PCDH9: variants seen among roughly 807,000 people sequenced by gnomAD.
PCDH9 encodes the protein protocadherin-9.
PCDH9 carries 24 observed loss-of-function variants against 70.6 expected under a neutral mutation model. The ratio of observed to expected loss-of-function variants is 0.34; its 90% CI spans 0.25 to 0.48. The LOEUF is 0.48. Ranked by LOEUF, PCDH9 falls within the 20% of genes least tolerant of loss-of-function variation. The probability of loss-of-function intolerance (pLI) is 0.99; values close to 1 mark genes in which losing one functional copy is unlikely to be tolerated. For synonymous variants in PCDH9, 562 were observed against 558.5 expected, an observed-to-expected ratio of 1.01 and a Z score of -0.09; for missense variants, 1,281 against 1,503.6, an observed-to-expected ratio of 0.85 and a Z score of 2.45.
At chr13:66,766,310 A>C (rs2079717235) in intron 3 of PCDH9, among the ~76,000 whole-genome samples, 1 of 151,988 alleles carries the variant, frequency 6.6e-6, no homozygotes, top group Non-Finnish European at 1.5e-5. Flanking sequence ...GGTGCTGCCA[A>C]GGTAGAAGAG....
chr13:66,797,369 A>G lies in PCDH9; in HGVS notation c.3138+106135T>C, dbSNP rs190295610. 2.1e-3 allele frequency among the ~76,000 whole-genome samples: 320 copies of G among 152,258 alleles called. 3 individuals carry two copies. Among genetic ancestry groups the G allele is most frequent in the South Asian group, 0.013 (65 of 4,832 alleles). On this transcript the variant is annotated intron_variant, in intron 3 of 4. Transcript: ENST00000377865. ...GTAATTTATACCCCATAATCTAAATATATGTAGGATTCCAATTAGACTCCA... is the reference window on the plus strand; with the variant it reads ...GTAATTTATACCCCATAATCTAAATGTATGTAGGATTCCAATTAGACTCCA...
chr13:66,520,464 G>A (rs908204697), intron 4 of PCDH9, among the ~76,000 whole-genome samples: 1 of 152,220 alleles, frequency 6.6e-6, no homozygotes. Flanking sequence ...GCATTTTCCT[G>A]CAGTAGTTCT....
chr13:67,046,973 G>C (rs535965931), intron 2 of PCDH9, among the ~76,000 whole-genome samples: 23 of 152,196 alleles, frequency 1.5e-4, no homozygotes, highest in African/African-American at 5.3e-4. Flanking sequence ...AAAATATTCC[G>C]ATAGAACATT....
intron 3 of PCDH9, among the ~76,000 whole-genome samples, chr13:66,808,684 C>T (rs1311860339): frequency 6.6e-6 from 1 of 152,102 alleles, no homozygotes; most frequent in Non-Finnish European, 1.5e-5. Flanking sequence ...TAATTGATCA[C>T]AGGAGTGAAA....
intron 4 of PCDH9, among the ~76,000 whole-genome samples, chr13:66,307,157 A>G (rs1024992082): frequency 6.6e-6 from 1 of 151,610 alleles, no homozygotes. Context: ...AGCTCCCTCA[A>G]CTCTTACCTT....
At chr13:66,536,089 G>T (rs1960690236) in intron 4 of PCDH9, among the ~76,000 whole-genome samples, 1 of 152,024 alleles carries the variant, frequency 6.6e-6, no homozygotes, top group East Asian at 1.9e-4. Context: ...ACCACTTACA[G>T]GTTATCTGTT....
chr13:67,193,733 T>C (rs1436497651), intron 2 of PCDH9, among the ~76,000 whole-genome samples: 2 of 152,146 alleles, frequency 1.3e-5, no homozygotes, highest in East Asian at 1.9e-4. Flanking sequence ...GAGAATCTTA[T>C]AGTTATGAGT....
intron 2 of PCDH9, among the ~76,000 whole-genome samples, chr13:67,174,604 A>C (rs1401345319): frequency 6.6e-6 from 1 of 152,018 alleles, no homozygotes; most frequent in Non-Finnish European, 1.5e-5. Context: ...CAGGTTTCTT[A>C]TTTTCTTCTT....
intron 4 of PCDH9, among the ~76,000 whole-genome samples, chr13:66,497,814 C>CTTT (rs763360211): frequency 2.8e-4 from 31 of 111,316 alleles, no homozygotes; most frequent in East Asian, 5.8e-4. Flanking sequence ...CACACTCTTA[C>CTTT]TTTTTTTTTT....
At chr13:66,860,812 C>A (rs1026883703) in intron 3 of PCDH9, among the ~76,000 whole-genome samples, 1 of 152,190 alleles carries the variant, frequency 6.6e-6, no homozygotes, top group Non-Finnish European at 1.5e-5. Flanking sequence ...AGCAGTCTCT[C>A]TGAAAGAAGC....
chr13:66,809,430 GTCTAC>G (rs1295836025), intron 3 of PCDH9, among the ~76,000 whole-genome samples: 1 of 152,026 alleles, frequency 6.6e-6, no homozygotes. Flanking sequence ...TTTTTTAAAA[GTCTAC>G]TCTGCAATAT....
chr13:66,665,390 GC>G (rs1555319037), intron 3 of PCDH9, among the ~76,000 whole-genome samples: 1 of 152,022 alleles, frequency 6.6e-6, no homozygotes, highest in Non-Finnish European at 1.5e-5. Flanking sequence ...GAGCCACCGC[GC>G]CTGACCAGAA....
intron 3 of PCDH9, among the ~76,000 whole-genome samples, chr13:66,852,040 T>A: frequency 6.6e-6 from 1 of 151,964 alleles, no homozygotes; most frequent in East Asian, 1.9e-4. Context: ...GGACTTTAAT[T>A]CTATCAGTTC....
intron 4 of PCDH9, among the ~76,000 whole-genome samples, chr13:66,605,062 T>A (rs2077207231): frequency 6.6e-6 from 1 of 152,196 alleles, no homozygotes; most frequent in Admixed American, 6.6e-5. Context: ...TCTCTGAAAT[T>A]TTTTATTTTA....
At chr13:66,567,598 ATACTTTT>A (rs1354069715) in intron 4 of PCDH9, among the ~76,000 whole-genome samples, 2 of 152,194 alleles carry the variant, frequency 1.3e-5, no homozygotes, top group Non-Finnish European at 2.9e-5. Context: ...TTAAACATTT[ATACTTTT>A]TACTTTGCAT....
At chr13:67,222,012 A>C (rs2089736512) in intron 2 of PCDH9, 1 of 152,192 alleles carries the variant, frequency 6.6e-6, no homozygotes, top group African/African-American at 2.4e-5. Context: ...CAGTGGTACG[A>C]AATCAGAGCC....
At chr13:66,704,761 A>G (rs1221148340) in intron 3 of PCDH9, among the ~76,000 whole-genome samples, 2 of 152,110 alleles carry the variant, frequency 1.3e-5, no homozygotes, top group African/African-American at 2.4e-5. Context: ...TGTTCTAGAG[A>G]AACAATTCTC....
intron 2 of PCDH9, among the ~76,000 whole-genome samples, chr13:67,177,829 C>CA (rs2088505491): frequency 6.6e-6 from 1 of 151,978 alleles, no homozygotes; most frequent in Non-Finnish European, 1.5e-5. Flanking sequence ...TCAGCATGTC[C>CA]AAAATTGAGC....
At chr13:67,156,045 A>G (rs960961334) in intron 2 of PCDH9, among the ~76,000 whole-genome samples, 1 of 152,000 alleles carries the variant, frequency 6.6e-6, no homozygotes, top group African/African-American at 2.4e-5. Flanking sequence ...GAGTGCTGGG[A>G]AGGCAAGACC....
Sources: allele counts gnomAD v4.1 joint callset (sites outside exome capture counted in the v4.1 genomes callset), GRCh38; gene constraint gnomAD v4.1.1; transcripts MANE v1.5; gene names NCBI Gene and HGNC (gene_info 2026-07-23, HGNC 2026-07-21).